Variants in LEKR1 observed in about 807,000 individuals in gnomAD.
LEKR1 encodes the protein protein LEKR1.
LEKR1 carries 59 observed loss-of-function variants against 72.4 expected under a neutral mutation model. The observed-to-expected ratio is 0.82, with a 90% CI of 0.66 to 1.01. The LOEUF is 1.01. LEKR1 is among the 50% of genes least tolerant of loss of function. LEKR1 has a pLI of 0.00. For missense variants in LEKR1, 728 were observed against 759.2 expected (o/e 0.96, Z 0.48); for synonymous variants, 257 against 263.2 (o/e 0.98, Z 0.23).
chr3:156,903,736 A>G (rs1489242628), intron 3 of LEKR1, among the ~76,000 whole-genome samples: 1 of 152,204 alleles, frequency 6.6e-6, no homozygotes, highest in Non-Finnish European at 1.5e-5. Context: ...TTCTCATAGC[A>G]GGAAAAGTGG....
At chr3:156,992,518 A>G (rs771440334) in intron 7 of LEKR1, 135 bp from the exon 8 acceptor site, 8 of 189,630 alleles carry the variant, frequency 4.2e-5, no homozygotes, top group Non-Finnish European at 8.6e-5. Context: ...AGTAAACTGA[A>G]TGTTTATTTC....
chr3:156,865,094 A>G (rs1717159460), intron 3 of LEKR1, among the ~76,000 whole-genome samples: 1 of 151,962 alleles, frequency 6.6e-6, no homozygotes, highest in South Asian at 2.1e-4. Flanking sequence ...CACAAGCTTT[A>G]ATGTGTCCCC....
intron 3 of LEKR1, among the ~76,000 whole-genome samples, chr3:156,915,106 CA>C (rs374554191): frequency 6.6e-6 from 1 of 152,056 alleles, no homozygotes; most frequent in African/African-American, 2.4e-5. Context: ...CATGTTCCTG[CA>C]AAGGACATGA....
At chr3:156,917,187 TAATG>T (rs1035947846) in intron 3 of LEKR1, among the ~76,000 whole-genome samples, 1 of 152,102 alleles carries the variant, frequency 6.6e-6, no homozygotes, top group South Asian at 2.1e-4. Context: ...GGATGGAAGA[TAATG>T]AAAGAACAGA....
chr3:157,007,025 C>G (rs1029141626), intron 9 of LEKR1, among the ~76,000 whole-genome samples: 3 of 151,742 alleles, frequency 2.0e-5, no homozygotes, highest in Admixed American at 2.0e-4. Flanking sequence ...CGACGAAACC[C>G]CGTCTCTACT....
At chr3:157,027,009 A>G (rs1440045705) in intron 11 of LEKR1, among the ~76,000 whole-genome samples, 1 of 152,210 alleles carries the variant, frequency 6.6e-6, no homozygotes, top group African/African-American at 2.4e-5. Flanking sequence ...GCTGTCCGTC[A>G]TGATAGCCAC....
At chr3:156,892,641 C>T (rs1438884093) in intron 3 of LEKR1, among the ~76,000 whole-genome samples, 2 of 152,206 alleles carry the variant, frequency 1.3e-5, no homozygotes, top group Non-Finnish European at 2.9e-5. Context: ...ATTATACCCT[C>T]CTCTGCCTCA....
At chr3:156,953,510 A>G (rs978144337) in intron 6 of LEKR1, among the ~76,000 whole-genome samples, 28 of 151,010 alleles carry the variant, frequency 1.9e-4, no homozygotes, top group African/African-American at 5.8e-4. Context: ...CCTCCCTTCA[A>G]CCCCCCAGTT....
At chr3:156,852,720 T>C in intron 2 of LEKR1, 48 bp from the exon 3 acceptor site, 1 of 967,156 alleles carries the variant, frequency 1.0e-6, no homozygotes, top group Non-Finnish European at 1.5e-6. Context: ...GTTGAACTTG[T>C]TTTTTCAGAA....
rs150957755 is a variant in LEKR1, at chr3:156,862,275, T to A, written c.263+9293T>A. ...AGTTTCAGGCCCAGCCACTTATTATTTTTTCTATTCACCTTTCCACTTTGA... is the reference window on the plus strand; with the variant it reads ...AGTTTCAGGCCCAGCCACTTATTATATTTTCTATTCACCTTTCCACTTTGA... On this transcript the variant is annotated intron_variant, in intron 3 of 12. Transcript: ENST00000356539. Among the ~76,000 whole-genome samples the A allele has an allele frequency of 3.1e-3, 475 of 152,218 alleles. 1 individual carries two copies. The highest frequency in any genetic ancestry group is 0.011 in the African/African-American group (456 of 41,540).
At chr3:156,865,483 C>T (rs767346746) in intron 3 of LEKR1, among the ~76,000 whole-genome samples, 2 of 151,932 alleles carry the variant, frequency 1.3e-5, no homozygotes, top group Non-Finnish European at 2.9e-5. Flanking sequence ...ATCTTTGATT[C>T]TTCCCATATC....
chr3:156,934,771 T>C (rs1057234898), intron 5 of LEKR1, among the ~76,000 whole-genome samples: 1 of 152,108 alleles, frequency 6.6e-6, no homozygotes, highest in South Asian at 2.1e-4. Context: ...TGTTAACATT[T>C]TGATATAGAG....
intron 3 of LEKR1, among the ~76,000 whole-genome samples, chr3:156,876,666 G>C (rs1178828570): frequency 1.3e-5 from 2 of 152,116 alleles, no homozygotes; most frequent in Admixed American, 1.3e-4. Flanking sequence ...TGTTTACATT[G>C]ATTTTGTATC....
intron 3 of LEKR1, among the ~76,000 whole-genome samples, chr3:156,913,314 G>C (rs1329803874): frequency 6.6e-6 from 1 of 152,108 alleles, no homozygotes; most frequent in Non-Finnish European, 1.5e-5. Flanking sequence ...TCTTTCAGCA[G>C]TGTGTTGTAG....
chr3:156,899,596 A>G (rs866885780), intron 3 of LEKR1, among the ~76,000 whole-genome samples: 12 of 145,436 alleles, frequency 8.3e-5, no homozygotes, highest in African/African-American at 3.0e-4. Context: ...GTATATATAC[A>G]TATACGTATA....
intron 3 of LEKR1, among the ~76,000 whole-genome samples, chr3:156,883,739 G>A (rs1279030897): frequency 6.6e-6 from 1 of 152,112 alleles, no homozygotes; most frequent in African/African-American, 2.4e-5. Context: ...CTTCCACCAT[G>A]ATTGTGAGGC....
At position 156,899,363 on chromosome 3, in the gene LEKR1, C is replaced by CATGT. The variant is rs1560063476; in HGVS notation, c.264-21210_264-21209insGTAT. ...ATACACATATATACATGTATATATA[C>CATGT]ATATATACATATATACACATATATA... On this transcript the variant is annotated intron_variant, in intron 3 of 12. Transcript: ENST00000356539. 1.2e-4 allele frequency among the ~76,000 whole-genome samples: 13 copies of CATGT among 112,412 alleles called. 1 individual carries two copies. The highest frequency in any genetic ancestry group is 4.7e-4 in the African/African-American group (13 of 27,676). 73.7% of individuals were successfully genotyped at this position (112,412 alleles called of 152,430 possible).
chr3:156,966,943 G>A (rs535040993), intron 6 of LEKR1, among the ~76,000 whole-genome samples: 52 of 152,294 alleles, frequency 3.4e-4, no homozygotes, highest in Admixed American at 1.3e-3. Context: ...CCAGAGGAAC[G>A]ATCAGGCAGC....
chr3:156,905,008 T>C (rs1722398583), intron 3 of LEKR1, among the ~76,000 whole-genome samples: 1 of 152,078 alleles, frequency 6.6e-6, no homozygotes, highest in Admixed American at 6.6e-5. Context: ...TAAATGAGGT[T>C]AATTTAAAAA....
Sources: allele counts gnomAD v4.1 joint callset (sites outside exome capture counted in the v4.1 genomes callset), GRCh38; gene constraint gnomAD v4.1.1; transcripts MANE v1.5; gene names NCBI Gene and HGNC (gene_info 2026-07-23, HGNC 2026-07-21).